Variants in C5 observed in about 807,000 individuals in gnomAD.
C5 encodes the protein complement C5.
Under a neutral mutation model 218.8 loss-of-function variants are expected in C5, and 140 were observed. The ratio of observed to expected loss-of-function variants is 0.64; its 90% CI spans 0.56 to 0.74. The LOEUF is 0.74. Ranked by LOEUF, C5 falls within the 30% of genes least tolerant of loss-of-function variation. The probability of loss-of-function intolerance (pLI) is 0.00; values close to 1 mark genes in which losing one functional copy is unlikely to be tolerated. For missense variants in C5, 1,700 were observed against 1,969.6 expected, an observed-to-expected ratio of 0.86 and a Z score of 2.59; for synonymous variants, 614 against 682.3, an observed-to-expected ratio of 0.90 and a Z score of 1.56.
chr9:121,050,151 T>C lies in C5; in HGVS notation c.65+31A>G, dbSNP rs542070254. On this transcript the variant is annotated intron_variant, in intron 1 of 40. Coordinates refer to ENST00000223642, the MANE Select transcript of C5 (RefSeq NM_001735.3). Reference sequence around the variant, plus strand: ...CTTCATTCGTCATAACTAAGATGCATTGAAAAATGAAGATAGCTTGTTTTA... The same window carrying C: ...CTTCATTCGTCATAACTAAGATGCACTGAAAAATGAAGATAGCTTGTTTTA... The C allele has an allele frequency of 1.0e-5, 16 of 1,528,270 alleles. No individual in the cohort carries two copies. The African/African-American group carries it at 1.5e-4, about 14-fold the overall frequency. 94.7% of individuals were successfully genotyped at this position (1,528,270 alleles called of 1,614,324 possible). A position where few individuals can be genotyped will look rare whatever the true frequency, so the allele number is the denominator to read the frequency against.
At chr9:120,965,251 C>T (rs914498294) in intron 33 of C5, among the ~76,000 whole-genome samples, 15 of 152,006 alleles carry the variant, frequency 9.9e-5, no homozygotes, top group South Asian at 2.1e-4. Context: ...CAGCTGGGTG[C>T]GGTGGCTCAC....
chr9:121,035,694 C>G (rs2047518435), intron 4 of C5, among the ~76,000 whole-genome samples: 1 of 151,734 alleles, frequency 6.6e-6, no homozygotes. Context: ...CTCAGCCTCC[C>G]AAGTAGCCAG....
intron 7 of C5, among the ~76,000 whole-genome samples, chr9:121,028,537 C>G (rs1191261661): frequency 6.6e-6 from 1 of 152,146 alleles, no homozygotes; most frequent in Non-Finnish European, 1.5e-5. Flanking sequence ...AGTTCATGTC[C>G]TTTGCAGGGA....
At chr9:120,999,818 A>G in intron 20 of C5, 1 of 416,358 alleles carries the variant, frequency 2.4e-6, no homozygotes, top group South Asian at 1.7e-5. Flanking sequence ...CTTGTTTCTT[A>G]TTTTGATATG....
upstream of C5, among the ~76,000 whole-genome samples, chr9:121,051,944 A>G (rs2131832606): frequency 6.6e-6 from 1 of 152,338 alleles, no homozygotes; most frequent in African/African-American, 2.4e-5. Context: ...CAAGGTAGGT[A>G]ATATTTGTAT....
chr9:121,000,612 A>T (rs2131727963), intron 20 of C5, among the ~76,000 whole-genome samples: 1 of 152,330 alleles, frequency 6.6e-6, no homozygotes, highest in African/African-American at 2.4e-5. Flanking sequence ...TATTTCAGAT[A>T]AAAAAATCTA....
At chr9:120,972,090 C>A in intron 30 of C5, 98 bp from the exon 31 acceptor site, 1 of 911,572 alleles carries the variant, frequency 1.1e-6, no homozygotes, top group South Asian at 1.4e-5. Flanking sequence ...TACCAGCCTC[C>A]TCTCTCAGAG....
Position 121,017,686 on chromosome 9 carries a change from G to A in C5, c.1673C>T (p.Ser558Leu). 1 of 1,613,674 alleles carries A rather than the reference G, an allele frequency of 6.2e-7. No homozygotes were observed. Among genetic ancestry groups the A allele is most frequent in the Non-Finnish European group, 8.5e-7 (1 of 1,179,796 alleles). ...GEQTAELVSD[S>L]VWLNIEEKCG... is the part of the protein sequence containing the mutation. ...TTTTTCTTCAATATTTAACCAGACTGAATCAGACACTAATTCTGCTGTCTG... is the reference window on the plus strand; with the variant it reads ...TTTTTCTTCAATATTTAACCAGACTAAATCAGACACTAATTCTGCTGTCTG... Residue 558 changes from serine (S) to leucine (L), a missense_variant, in exon 13 of 41, where the codon TCA becomes TTA. Ser to Leu is a moderately radical substitution (Grantham distance 145, BLOSUM62 -2). Transcript: ENST00000223642.
At chr9:121,061,990 A>T in the C5 span, among the ~76,000 whole-genome samples, 52 of 152,374 alleles carry the variant, frequency 3.4e-4, no homozygotes, top group East Asian at 2.5e-3. Context: ...TACACATAAT[A>T]GTTCCCTAAT....
chr9:120,961,032 T>C (rs2046823481), intron 37 of C5, among the ~76,000 whole-genome samples: 1 of 152,202 alleles, frequency 6.6e-6, no homozygotes, highest in Non-Finnish European at 1.5e-5. Flanking sequence ...CTGTTGATTA[T>C]TGGTGAGTTC....
rs1387972281 is a variant in C5 at position 120,970,260 on chromosome 9, G to C, written c.4081-9C>G. On this transcript the variant is annotated splice_polypyrimidine_tract_variant and intron_variant, in intron 31 of 40. Transcript: ENST00000223642. ...TGAACTACAGTTGTTACCTACATTG[G>C]GGACAAGTAAGCAAGAAGATTCTAT... 5.7e-6 allele frequency: 9 copies of C among 1,588,626 alleles called. No individual in the cohort carries two copies. In the East Asian group the frequency reaches 8.9e-5, roughly 16 times the overall value.
chr9:121,006,410 GCAAA>G (rs1383055951), intron 19 of C5, among the ~76,000 whole-genome samples: 3 of 152,108 alleles, frequency 2.0e-5, no homozygotes, highest in East Asian at 3.8e-4. Context: ...AACAAAAGTA[GCAAA>G]CAAACAAACA....
At chr9:120,963,346 C>T (rs1214759421) in intron 34 of C5, among the ~76,000 whole-genome samples, 3 of 150,278 alleles carry the variant, frequency 2.0e-5, no homozygotes, top group Non-Finnish European at 4.4e-5. Context: ...CTCTACTAAA[C>T]ATACAAAAAA....
At position 121,017,830 on chromosome 9, in the gene C5, A is replaced by T; in HGVS notation, c.1529T>A (p.Ile510Asn). 6.2e-7 allele frequency: 1 copy of T among 1,612,782 alleles called. No individual in the cohort carries two copies. The highest frequency in any genetic ancestry group is 8.5e-7 in the Non-Finnish European group (1 of 1,178,904). Residue 510 changes from isoleucine to asparagine, a missense_variant, in exon 13 of 41, where the codon ATC becomes AAC. Ile to Asn is a moderately radical substitution (Grantham distance 149). Transcript: ENST00000223642. ...AAATTTCTCCCTCGTGCCAAAGTGG[A>T]TAATTTTGCCCTTGGATAAAATCTA... ...NYLILSKGKI[I>N]HFGTREKFSD...
intron 33 of C5, among the ~76,000 whole-genome samples, chr9:120,965,672 A>G (rs930694291): frequency 8.5e-5 from 13 of 152,322 alleles, no homozygotes; most frequent in African/African-American, 2.6e-4. Context: ...CAAATTAACA[A>G]TTTAGAACAG....
intron 22 of C5, among the ~76,000 whole-genome samples, chr9:120,992,499 C>T (rs79449213): frequency 0.018 from 2,689 of 152,266 alleles, 36 homozygotes; most frequent in Non-Finnish European, 0.027. Context: ...ACAATTCATG[C>T]TCAATATATG....
At position 121,030,388 on chromosome 9, in the gene C5, T is replaced by G. The variant is rs373166550; in HGVS notation, c.758+9A>C. ...AAAATAAAAACAACAAAAAAACAAA[T>G]GTTCTTACCTTGCTTTTATAGTAAT... is the stretch of plus-strand genomic sequence containing the variant. On this transcript the variant is annotated intron_variant, in intron 7 of 40. Transcript: ENST00000223642. 1 of 1,346,852 alleles carries G rather than the reference T, an allele frequency of 7.4e-7. No individual in the cohort carries two copies. The allele number at this position is 1,346,852 out of a possible 1,614,324, so 83.4% of individuals were successfully genotyped here. A position where few individuals can be genotyped will look rare whatever the true frequency, so the allele number is the denominator to read the frequency against.
At chr9:120,956,137 T>C (rs140968345) in intron 39 of C5, among the ~76,000 whole-genome samples, 358 of 151,946 alleles carry the variant, frequency 2.4e-3, no homozygotes, top group African/African-American at 8.4e-3. Flanking sequence ...TCCGCTAAGA[T>C]ACAAAAATAA....
upstream of C5, among the ~76,000 whole-genome samples, chr9:121,051,887 A>C (rs78945889): frequency 6.6e-6 from 1 of 152,334 alleles, no homozygotes; most frequent in East Asian, 1.9e-4. Context: ...TACTTTTGCC[A>C]TCATTTTTGG....
Sources: allele counts gnomAD v4.1 joint callset (sites outside exome capture counted in the v4.1 genomes callset), GRCh38; gene constraint gnomAD v4.1.1; transcripts MANE v1.5; gene names NCBI Gene and HGNC (gene_info 2026-07-23, HGNC 2026-07-21).